DSCAM: variants seen among roughly 807,000 people sequenced by gnomAD.
DSCAM encodes the protein cell adhesion molecule DSCAM.
In DSCAM, 47 loss-of-function variants were observed where a neutral mutation model predicts 217.7. The observed-to-expected ratio is 0.22, with a 90% CI of 0.17 to 0.28. The LOEUF (loss-of-function observed/expected upper bound fraction) is 0.28, where lower values mean the gene tolerates loss of function less well. Among genes scored for constraint, DSCAM ranks in the 10% least tolerant of loss-of-function variants. The pLI, the probability that DSCAM is intolerant of heterozygous loss-of-function variation, is 1.00. For synonymous variants in DSCAM, 1,056 were observed against 1,015.3 expected, an observed-to-expected ratio of 1.04 and a Z score of -0.76; for missense variants, 2,080 against 2,618.3, an observed-to-expected ratio of 0.79 and a Z score of 4.49.
chr21:40,322,842 G>GA (rs2074274825), intron 8 of DSCAM, among the ~76,000 whole-genome samples: 1 of 151,928 alleles, frequency 6.6e-6, no homozygotes, highest in Admixed American at 6.6e-5. Context: ...GCAAATGAAT[G>GA]AAAAAATGTG....
chr21:40,578,793 G>A (rs2076878668), intron 3 of DSCAM, among the ~76,000 whole-genome samples: 1 of 152,134 alleles, frequency 6.6e-6, no homozygotes, highest in Admixed American at 6.5e-5. Flanking sequence ...ATGTATGATG[G>A]GGTTGTTGGT....
At chr21:40,101,225 C>T (rs1253058765) in intron 20 of DSCAM, among the ~76,000 whole-genome samples, 2 of 152,208 alleles carry the variant, frequency 1.3e-5, no homozygotes, top group African/African-American at 2.4e-5. Context: ...AGGAAAAAGC[C>T]TGTTATTTCT....
chr21:40,721,163 G>A (rs2090897468), intron 1 of DSCAM, among the ~76,000 whole-genome samples: 1 of 151,972 alleles, frequency 6.6e-6, no homozygotes, highest in Non-Finnish European at 1.5e-5. Context: ...ATCCTAGAAG[G>A]GAACAAACTG....
rs185571479 is a variant in DSCAM at position 40,053,598 on chromosome 21, T to C, written c.5036-1491A>G. Among the ~76,000 whole-genome samples, 29 of 152,298 alleles carry C rather than the reference T, an allele frequency of 1.9e-4. No homozygotes were observed. In the East Asian group the frequency reaches 3.9e-3, roughly 20 times the overall value. On this transcript the variant is annotated intron_variant, in intron 29 of 32. Coordinates refer to ENST00000400454, the MANE Select transcript of DSCAM (RefSeq NM_001389.5). ...GCTGGAAATTAATGTCACTGTAATATTGGATTCTTGTGGTCAGAGCCCAGA... is the reference window on the plus strand; with the variant it reads ...GCTGGAAATTAATGTCACTGTAATACTGGATTCTTGTGGTCAGAGCCCAGA...
At chr21:40,511,680 C>A (rs2146061045) in intron 3 of DSCAM, among the ~76,000 whole-genome samples, 1 of 152,216 alleles carries the variant, frequency 6.6e-6, no homozygotes, top group Non-Finnish European at 1.5e-5. Flanking sequence ...ACATAAGTCA[C>A]TCTTTCACCA....
At chr21:40,316,959 C>T (rs1017154219) in intron 8 of DSCAM, among the ~76,000 whole-genome samples, 91 of 152,284 alleles carry the variant, frequency 6.0e-4, no homozygotes, top group African/African-American at 2.1e-3. Context: ...GGGTGGGGTG[C>T]TCGTCAATTC....
chr21:40,654,014 G>A (rs1423135098), intron 3 of DSCAM, among the ~76,000 whole-genome samples: 1 of 151,632 alleles, frequency 6.6e-6, no homozygotes, highest in Non-Finnish European at 1.5e-5. Context: ...AGAATTGCTT[G>A]AACCCAGGAG....
chr21:40,312,000 G>A lies in DSCAM; in HGVS notation c.2062+81C>T, dbSNP rs551599491. 1.2e-4 allele frequency: 84 copies of A among 699,644 alleles called. No individual in the cohort carries two copies. The East Asian group carries it at 4.2e-3, about 35-fold the overall frequency. 43.3% of individuals were successfully genotyped at this position (699,644 alleles called of 1,614,324 possible). A position where few individuals can be genotyped will look rare whatever the true frequency, so the allele number is the denominator to read the frequency against. ...GAATTTCTAAGTTCCAGTTATTTTCGAAATATTTCAAGCCCCATCATCTTA... is the reference window on the plus strand; with the variant it reads ...GAATTTCTAAGTTCCAGTTATTTTCAAAATATTTCAAGCCCCATCATCTTA... On this transcript the variant is annotated intron_variant, in intron 9 of 32. Coordinates refer to ENST00000400454, the MANE Select transcript of DSCAM (RefSeq NM_001389.5).
chr21:40,535,297 G>A (rs981364289), intron 3 of DSCAM, among the ~76,000 whole-genome samples: 5 of 152,154 alleles, frequency 3.3e-5, no homozygotes, highest in African/African-American at 1.2e-4. Flanking sequence ...AATAACTTGA[G>A]CAAATAATTT....
intron 11 of DSCAM, among the ~76,000 whole-genome samples, chr21:40,246,143 C>T (rs2073220739): frequency 6.6e-6 from 1 of 151,696 alleles, no homozygotes; most frequent in African/African-American, 2.4e-5. Context: ...TTTTAAAAAA[C>T]ATCCTCAAGA....
intron 3 of DSCAM, among the ~76,000 whole-genome samples, chr21:40,614,995 C>A (rs1196982351): frequency 6.6e-6 from 1 of 151,372 alleles, no homozygotes; most frequent in Non-Finnish European, 1.5e-5. Context: ...CATGTGCACA[C>A]ACACACACGT....
rs1012921751 is a variant in DSCAM, at chr21:40,238,011, G to A, written c.2356+38086C>T. Among the ~76,000 whole-genome samples, 3 of 152,198 alleles carry A rather than the reference G, an allele frequency of 2.0e-5. No individual in the cohort carries two copies. In the East Asian group the frequency reaches 5.8e-4, roughly 29 times the overall value. On this transcript the variant is annotated intron_variant, in intron 11 of 32. Coordinates refer to ENST00000400454, the MANE Select transcript of DSCAM (RefSeq NM_001389.5). Reference sequence around the variant, plus strand: ...GGTTGGGCTACAGACATCCTGGGGAGGGGGTGTATAGTTTTCTGTCTACCA... The same window carrying A: ...GGTTGGGCTACAGACATCCTGGGGAAGGGGTGTATAGTTTTCTGTCTACCA...
chr21:40,517,343 T>C (rs1278799690), intron 3 of DSCAM, among the ~76,000 whole-genome samples: 4 of 150,774 alleles, frequency 2.7e-5, no homozygotes, highest in African/African-American at 7.3e-5. Flanking sequence ...TCTCTGTATA[T>C]ACATATATAT....
At chr21:40,116,838 TAA>T (rs1453623713) in intron 20 of DSCAM, among the ~76,000 whole-genome samples, 1 of 150,312 alleles carries the variant, frequency 6.7e-6, no homozygotes, top group Non-Finnish European at 1.5e-5. Flanking sequence ...TCATCTCTAC[TAA>T]AAATACAAAA....
At chr21:40,175,770 A>AACACACACACACACACACACAC (rs1329501944) in intron 15 of DSCAM, among the ~76,000 whole-genome samples, 6 of 126,348 alleles carry the variant, frequency 4.7e-5, no homozygotes, top group South Asian at 2.7e-4. Context: ...ATATTTTCTC[A>AACACACACACACACACACACAC]ACACACACAT....
intron 3 of DSCAM, among the ~76,000 whole-genome samples, chr21:40,523,352 G>A (rs1031553478): frequency 1.6e-4 from 25 of 152,164 alleles, no homozygotes; most frequent in African/African-American, 6.0e-4. Context: ...ACTCTAGCGG[G>A]CACGCACACA....
At position 40,425,980 on chromosome 21, in the gene DSCAM, A is replaced by G. The variant is rs902199184; in HGVS notation, c.509-56735T>C. On this transcript the variant is annotated intron_variant, in intron 3 of 32. Coordinates refer to ENST00000400454, the MANE Select transcript of DSCAM (RefSeq NM_001389.5). ...AAAGGACAATGAAGCTAAACTTTTCAGTAAATTTCACTTTGCTTGCTGGTC... is the reference window on the plus strand; with the variant it reads ...AAAGGACAATGAAGCTAAACTTTTCGGTAAATTTCACTTTGCTTGCTGGTC... 2.6e-5 allele frequency among the ~76,000 whole-genome samples: 4 copies of G among 152,366 alleles called. No homozygotes were observed. In the East Asian group the frequency reaches 7.7e-4, roughly 29 times the overall value.
chr21:40,735,687 G>A (rs2091056200), intron 1 of DSCAM, among the ~76,000 whole-genome samples: 2 of 152,184 alleles, frequency 1.3e-5, no homozygotes, highest in South Asian at 4.1e-4. Context: ...ATTAACTAAT[G>A]TATGAAAGAT....
rs1450096207 is a variant in DSCAM at position 40,769,202 on chromosome 21, T to C, written c.44-60431A>G. 2.5e-5 allele frequency among the ~76,000 whole-genome samples: 3 copies of C among 119,646 alleles called. No individual in the cohort carries two copies. The East Asian group carries it at 6.8e-4, about 27-fold the overall frequency. 78.5% of individuals were successfully genotyped at this position (119,646 alleles called of 152,430 possible). A position where few individuals can be genotyped will look rare whatever the true frequency, so the allele number is the denominator to read the frequency against. ...ACATTCCAGAACAAGGATTGACACT[T>C]ACATCTCTGTGATACACTACTTGTT... On this transcript the variant is annotated intron_variant, in intron 1 of 32. Coordinates refer to ENST00000400454, the MANE Select transcript of DSCAM (RefSeq NM_001389.5).
Sources: allele counts gnomAD v4.1 joint callset (sites outside exome capture counted in the v4.1 genomes callset), GRCh38; gene constraint gnomAD v4.1.1; transcripts MANE v1.5; gene names NCBI Gene and HGNC (gene_info 2026-07-23, HGNC 2026-07-21).